The following DLG5 variants were observed in gnomAD, a reference collection of about 807,000 sequenced individuals.
DLG5 encodes the protein discs large MAGUK scaffold protein 5.
Under a neutral mutation model 189.8 loss-of-function variants are expected in DLG5, and 48 were observed. That is an observed-to-expected ratio of 0.25 (90% CI 0.20 to 0.32). The LOEUF is 0.32. Ranked by LOEUF, DLG5 falls within the 10% of genes least tolerant of loss-of-function variation. The pLI is 1.00. For missense variants in DLG5, 2,160 were observed against 2,544.7 expected, an observed-to-expected ratio of 0.85 and a Z score of 3.25; for synonymous variants, 1,016 against 1,054.1, an observed-to-expected ratio of 0.96 and a Z score of 0.70.
the DLG5 span, among the ~76,000 whole-genome samples, chr10:77,935,278 T>C: frequency 5.3e-5 from 8 of 152,132 alleles, no homozygotes; most frequent in Non-Finnish European, 2.9e-5. Context: ...TGTTCATTAT[T>C]GTACCCTCTG....
the DLG5 span, among the ~76,000 whole-genome samples, chr10:77,938,834 G>A: frequency 6.6e-6 from 1 of 152,182 alleles, no homozygotes; most frequent in Non-Finnish European, 1.5e-5. Context: ...CATCTTGCAG[G>A]GGAAGAAAAT....
In DLG5 at chr10:77,893,638, G is replaced by A. The variant is rs111971151; in HGVS notation, c.305-24441C>T. Among the ~76,000 whole-genome samples the A allele has an allele frequency of 3.8e-3, 572 of 152,356 alleles. 1 individual carries two copies. Among genetic ancestry groups the A allele is most frequent in the Non-Finnish European group, 6.3e-3 (431 of 68,038 alleles). The stretch of plus-strand genomic sequence containing the variant: ...CCATAGTCAGTCCCTGAATGCCATA[G>A]GGAAGCATCTGCTCTGGACGGTCCC... On this transcript the variant is annotated intron_variant, in intron 1 of 31. Transcript: ENST00000372391.
intron 1 of DLG5, among the ~76,000 whole-genome samples, chr10:77,888,433 G>A (rs1357503690): frequency 1.3e-5 from 2 of 152,158 alleles, no homozygotes; most frequent in Admixed American, 1.3e-4. Context: ...AGCAAAGAAT[G>A]TGCAAAAAAC....
chr10:77,868,112 T>G (rs1390713354), intron 2 of DLG5: 3 of 455,876 alleles, frequency 6.6e-6, no homozygotes, highest in Non-Finnish European at 1.3e-5. Context: ...ACTTTGATCT[T>G]GGGCTTCTGT....
intron 25 of DLG5, among the ~76,000 whole-genome samples, 173 bp from the exon 26 acceptor site, chr10:77,807,101 A>G (rs933066812): frequency 6.6e-6 from 1 of 152,178 alleles, no homozygotes; most frequent in East Asian, 1.9e-4. Context: ...TGTGTTTTAC[A>G]TAAAGGGGCA....
At chr10:77,939,570 G>T in the DLG5 span, among the ~76,000 whole-genome samples, 1 of 152,204 alleles carries the variant, frequency 6.6e-6, no homozygotes, top group Admixed American at 6.5e-5. Flanking sequence ...AAGCAAGTCA[G>T]CCTGCTCAGG....
In DLG5 at chr10:77,793,979, C is replaced by G. The variant is rs775815182; in HGVS notation, c.5656+29G>C. The G allele has an allele frequency of 3.1e-6, 5 of 1,589,752 alleles. No individual in the cohort carries two copies. The African/African-American group carries it at 4.0e-5, about 13-fold the overall frequency. On this transcript the variant is annotated intron_variant, in intron 31 of 31. Transcript: ENST00000372391. ...CCTCTGCTTCCTTCCCTGCTGCCTG[C>G]TCCCCACTCCAGGCCCACGCACACC...
intron 5 of DLG5, among the ~76,000 whole-genome samples, chr10:77,844,375 T>C (rs1843580202): frequency 6.6e-6 from 1 of 152,226 alleles, no homozygotes; most frequent in Non-Finnish European, 1.5e-5. Context: ...TTTCCCCCTT[T>C]GCCGACTTTG....
At chr10:77,882,737 C>T (rs944601812) in intron 1 of DLG5, among the ~76,000 whole-genome samples, 1 of 146,892 alleles carries the variant, frequency 6.8e-6, no homozygotes, top group Non-Finnish European at 1.5e-5. Context: ...CATGGTGAAA[C>T]CTCGTCTCTA....
intron 27 of DLG5, among the ~76,000 whole-genome samples, chr10:77,801,718 C>T (rs1024647931): frequency 2.0e-5 from 3 of 152,164 alleles, no homozygotes; most frequent in East Asian, 3.8e-4. Context: ...TGGTGGTGGA[C>T]GGGTGGTGGC....
intron 1 of DLG5, among the ~76,000 whole-genome samples, chr10:77,899,699 GC>G (rs1017837770): frequency 6.6e-6 from 1 of 152,116 alleles, no homozygotes; most frequent in Admixed American, 6.5e-5. Flanking sequence ...CTATAGGTTC[GC>G]TCAGGGGTAG....
chr10:77,819,437 G>A lies in DLG5; in HGVS notation c.3555C>T (p.Ser1185=). 1 of 1,613,798 alleles carries A rather than the reference G, an allele frequency of 6.2e-7. No homozygotes were observed. ...VGTVPRSLTP[S]TTVSSILRNP... The stretch of plus-strand genomic sequence containing the variant: ...TCCGCAGGATGGAGCTCACAGTGGT[G>A]CTGGGGGTCAAACTCCGGGGAACAG... Residue 1185 remains serine (S), a synonymous_variant, in exon 17 of 32, where the codon AGC becomes AGT. Transcript: ENST00000372391.
chr10:77,830,423 C>T, intron 10 of DLG5, 79 bp from the exon 11 acceptor site: 1 of 1,593,806 alleles, frequency 6.3e-7, no homozygotes, highest in Non-Finnish European at 8.6e-7. Context: ...CGAAGCTGCC[C>T]ACTCCAATGT....
chr10:77,825,538 TA>T (rs954740568), intron 13 of DLG5, among the ~76,000 whole-genome samples: 9 of 151,956 alleles, frequency 5.9e-5, no homozygotes, highest in African/African-American at 2.2e-4. Context: ...TATGAATCTA[TA>T]ATCATTTCAA....
chr10:77,857,494 G>A (rs1273748483), intron 2 of DLG5, among the ~76,000 whole-genome samples: 1 of 152,232 alleles, frequency 6.6e-6, no homozygotes, highest in Non-Finnish European at 1.5e-5. Flanking sequence ...CAGGCTAAGA[G>A]GAGGGCTGCT....
intron 1 of DLG5, among the ~76,000 whole-genome samples, chr10:77,916,372 C>T (rs1404419457): frequency 6.6e-6 from 1 of 152,040 alleles, no homozygotes; most frequent in African/African-American, 2.4e-5. Context: ...CTAACTGCAG[C>T]CTCTGCCTCA....
chr10:77,824,181 A>G (rs1242584058), intron 14 of DLG5, among the ~76,000 whole-genome samples: 3 of 152,200 alleles, frequency 2.0e-5, no homozygotes, highest in Admixed American at 2.0e-4. Context: ...ATTCAAATGT[A>G]CCCAACTGTG....
chr10:77,830,704 T>C lies in DLG5; in HGVS notation c.1881+37A>G, dbSNP rs201377068. 467 of 1,608,266 alleles carry C rather than the reference T, an allele frequency of 2.9e-4. 1 individual carries two copies. The highest frequency in any genetic ancestry group is 3.8e-4 in the Non-Finnish European group (447 of 1,175,658). ...GGGTCACCGTCTCCTCCTTCATCCA[T>C]CAGAGAAGGAGAGAAGAACCATCAG... On this transcript the variant is annotated intron_variant, in intron 10 of 31. Transcript: ENST00000372391.
intron 26 of DLG5, chr10:77,806,166 C>CCTTCTAT (rs904702133): frequency 2.4e-5 from 9 of 377,582 alleles, no homozygotes; most frequent in Admixed American, 1.7e-4. Context: ...TGACGAGTTA[C>CCTTCTAT]GCTTCCTGCC....
Sources: allele counts gnomAD v4.1 joint callset (sites outside exome capture counted in the v4.1 genomes callset), GRCh38; gene constraint gnomAD v4.1.1; transcripts MANE v1.5; gene names NCBI Gene and HGNC (gene_info 2026-07-23, HGNC 2026-07-21).